Variants in DLGAP1 observed in about 807,000 individuals in gnomAD.
DLGAP1 encodes the protein DLG associated protein 1, also known as disks large-associated protein 1.
Under a neutral mutation model 90.8 loss-of-function variants are expected in DLGAP1, and 11 were observed. That is an observed-to-expected ratio of 0.12 (90% CI 0.08 to 0.20). The LOEUF (loss-of-function observed/expected upper bound fraction) is 0.20, where lower values mean the gene tolerates loss of function less well. Among genes scored for constraint, DLGAP1 ranks in the 10% least tolerant of loss-of-function variants. DLGAP1 has a pLI of 1.00. For missense variants in DLGAP1, 1,050 were observed against 1,333.8 expected (o/e 0.79, Z 3.31); for synonymous variants, 558 against 540.7 (o/e 1.03, Z -0.44).
In DLGAP1 at chr18:3,630,970, T is replaced by C. The variant is rs929313992; in HGVS notation, c.1592-48722A>G. Among the ~76,000 whole-genome samples the C allele has an allele frequency of 2.6e-5, 4 of 152,108 alleles. No individual in the cohort carries two copies. In the South Asian group the frequency reaches 8.3e-4, roughly 31 times the overall value. On this transcript the variant is annotated intron_variant, in intron 7 of 12. Transcript: ENST00000315677. ...TCTAATTTGCAGTTTTGAATCTTTT[T>C]ATTTATTTTTTATTTTTATTTTTTT...
At chr18:4,171,898 C>T (rs749508859) in intron 1 of DLGAP1, among the ~76,000 whole-genome samples, 23 of 152,282 alleles carry the variant, frequency 1.5e-4, no homozygotes, top group Non-Finnish European at 2.2e-4. Context: ...TTACAAACTG[C>T]GTCTTGTCCT....
chr18:4,423,759 G>A (rs1290266075), intron 1 of DLGAP1, among the ~76,000 whole-genome samples: 1 of 148,162 alleles, frequency 6.7e-6, no homozygotes, highest in Non-Finnish European at 1.5e-5. Context: ...GCCTACCCCA[G>A]GACAACATAT....
intron 1 of DLGAP1, among the ~76,000 whole-genome samples, chr18:4,312,630 C>T (rs3850787): frequency 0.33 from 49,738 of 152,040 alleles, 8,454 homozygotes; most frequent in East Asian, 0.45. Context: ...TTTGGAAACA[C>T]TGACTTGAAT....
chr18:3,776,671 C>T (rs980925136), intron 5 of DLGAP1, among the ~76,000 whole-genome samples: 9 of 152,158 alleles, frequency 5.9e-5, no homozygotes, highest in African/African-American at 2.2e-4. Flanking sequence ...TGCTATTTCT[C>T]TAAGCCTGAA....
At chr18:4,101,980 T>C (rs1241615735) in intron 2 of DLGAP1, among the ~76,000 whole-genome samples, 1 of 151,828 alleles carries the variant, frequency 6.6e-6, no homozygotes, top group Middle Eastern at 3.2e-3. Context: ...AGCAGTCTTT[T>C]GTGTATTAAA....
intron 2 of DLGAP1, among the ~76,000 whole-genome samples, chr18:4,043,835 T>A (rs1445686901): frequency 6.6e-6 from 1 of 152,140 alleles, no homozygotes; most frequent in Admixed American, 6.5e-5. Context: ...TGAGAACAAC[T>A]AAAAAGCTGA....
At chr18:3,767,421 C>T (rs1049603226) in intron 5 of DLGAP1, among the ~76,000 whole-genome samples, 6 of 151,890 alleles carry the variant, frequency 4.0e-5, no homozygotes, top group Admixed American at 2.6e-4. Context: ...TAGCATTACC[C>T]TAATATCAAA....
rs183156297 is a variant in DLGAP1, at chr18:4,024,248, C to T, written c.-158-19047G>A. 1.1e-4 allele frequency among the ~76,000 whole-genome samples: 16 copies of T among 152,250 alleles called. No homozygotes were observed. The East Asian group carries it at 3.1e-3, about 29-fold the overall frequency. Reference sequence around the variant, plus strand: ...TGACTTGTCAAAGACAAAGTATTAGCATCAGAAAGATTCTCAGTATCAGGA... The same window carrying T: ...TGACTTGTCAAAGACAAAGTATTAGTATCAGAAAGATTCTCAGTATCAGGA... On this transcript the variant is annotated intron_variant, in intron 2 of 12. Coordinates refer to ENST00000315677, the MANE Select transcript of DLGAP1 (RefSeq NM_004746.4).
chr18:3,858,295 A>T (rs912892041), intron 4 of DLGAP1, among the ~76,000 whole-genome samples: 1 of 151,962 alleles, frequency 6.6e-6, no homozygotes, highest in African/African-American at 2.4e-5. Flanking sequence ...GTTTTTTCCT[A>T]TTTAAAAAAC....
intron 7 of DLGAP1, among the ~76,000 whole-genome samples, chr18:3,719,078 T>C (rs1003637898): frequency 6.6e-6 from 1 of 152,140 alleles, no homozygotes; most frequent in Admixed American, 6.6e-5. Flanking sequence ...CATTGTGTGA[T>C]GTAACTCTTC....
intron 2 of DLGAP1, among the ~76,000 whole-genome samples, chr18:4,017,415 G>C (rs1342185274): frequency 2.0e-5 from 3 of 152,094 alleles, no homozygotes; most frequent in Non-Finnish European, 4.4e-5. Context: ...GTTTTCCCTG[G>C]AGTTCAGCAT....
intron 1 of DLGAP1, among the ~76,000 whole-genome samples, chr18:4,212,024 C>G (rs1411910115): frequency 6.6e-6 from 1 of 152,122 alleles, no homozygotes; most frequent in African/African-American, 2.4e-5. Context: ...AAAATGTATG[C>G]ATTTACCACA....
chr18:3,520,763 G>A (rs1599033006), intron 10 of DLGAP1, among the ~76,000 whole-genome samples: 1 of 152,212 alleles, frequency 6.6e-6, no homozygotes, highest in African/African-American at 2.4e-5. Context: ...GGCAGCCTTA[G>A]CAAATTATTA....
At chr18:4,230,159 G>C (rs2145045201) in intron 1 of DLGAP1, among the ~76,000 whole-genome samples, 1 of 152,128 alleles carries the variant, frequency 6.6e-6, no homozygotes, top group Non-Finnish European at 1.5e-5. Flanking sequence ...GTGGAGAAAA[G>C]GGAACCCTCA....
chr18:4,336,520 G>C (rs1411637984), intron 1 of DLGAP1, among the ~76,000 whole-genome samples: 1 of 152,182 alleles, frequency 6.6e-6, no homozygotes, highest in African/African-American at 2.4e-5. Flanking sequence ...GCCAGGATGA[G>C]CTCCTGTGAC....
chr18:3,859,562 A>T (rs971782627), intron 4 of DLGAP1, among the ~76,000 whole-genome samples: 2 of 152,194 alleles, frequency 1.3e-5, no homozygotes, highest in African/African-American at 4.8e-5. Context: ...ACAAATAAGT[A>T]GAAGGAAAGT....
At chr18:3,632,110 A>T (rs954741263) in intron 7 of DLGAP1, among the ~76,000 whole-genome samples, 4 of 152,144 alleles carry the variant, frequency 2.6e-5, no homozygotes, top group African/African-American at 9.7e-5. Flanking sequence ...TACACTATCA[A>T]TGCCCATGCG....
At chr18:4,044,741 CAAAAACAAAACAA>C (rs1437371876) in intron 2 of DLGAP1, among the ~76,000 whole-genome samples, 3 of 151,956 alleles carry the variant, frequency 2.0e-5, no homozygotes, top group Non-Finnish European at 2.9e-5. Context: ...ACTCCCTCAC[CAAAAACAAAACAA>C]AAAACAAACA....
intron 3 of DLGAP1, among the ~76,000 whole-genome samples, chr18:3,947,566 G>A (rs754845365): frequency 6.6e-6 from 1 of 152,136 alleles, no homozygotes; most frequent in Non-Finnish European, 1.5e-5. Context: ...ATACACATAC[G>A]TATGTTAAAG....
Sources: gnomAD v4.1 joint callset for allele counts (sites outside exome capture counted in the v4.1 genomes callset) on GRCh38, gnomAD v4.1.1 for gene constraint, MANE v1.5 for transcripts, NCBI Gene and HGNC (gene_info 2026-07-23, HGNC 2026-07-21) for gene names.